The following SLC4A10 variants were observed in gnomAD, a reference collection of about 807,000 sequenced individuals.
The protein encoded by SLC4A10 is solute carrier family 4 member 10.
Under a neutral mutation model 137.7 loss-of-function variants are expected in SLC4A10, and 42 were observed. That is an observed-to-expected ratio of 0.30 (90% CI 0.24 to 0.39). The LOEUF is 0.39. Ranked by LOEUF, SLC4A10 falls within the 10% of genes least tolerant of loss-of-function variation. SLC4A10 has a pLI of 1.00. For synonymous variants in SLC4A10, 474 were observed against 464.1 expected, an observed-to-expected ratio of 1.02 and a Z score of -0.27; for missense variants, 925 against 1,355.0, an observed-to-expected ratio of 0.68 and a Z score of 4.98.
At chr2:161,935,880 C>T (rs976665305) in intron 15 of SLC4A10, among the ~76,000 whole-genome samples, 14 of 152,074 alleles carry the variant, frequency 9.2e-5, no homozygotes, top group Non-Finnish European at 1.6e-4. Context: ...TGCAGGAAAA[C>T]CTTTCAACTT....
At chr2:161,871,382 G>C (rs547490883) in intron 6 of SLC4A10, among the ~76,000 whole-genome samples, 1 of 117,720 alleles carries the variant, frequency 8.5e-6, no homozygotes, top group African/African-American at 3.2e-5. Flanking sequence ...GAGTTGAGTT[G>C]TCTTTATTCA....
In SLC4A10 at chr2:161,904,139, G is replaced by T; in HGVS notation, c.1578G>T (p.Thr526=). The change falls in exon 13 of 27, where the codon ACG becomes ACT. Residue 526 remains threonine, a synonymous_variant. Coordinates refer to ENST00000446997, the MANE Select transcript of SLC4A10 (RefSeq NM_001178015.2). Reference sequence around the variant, plus strand: ...GCGCGTGTATGTCTCCTGTCATCACGTTTGGAGGACTGCTGGGAGAAGCAA... The same window carrying T: ...GCGCGTGTATGTCTCCTGTCATCACTTTTGGAGGACTGCTGGGAGAAGCAA... ...LYCACMSPVI[T]FGGLLGEATE... The T allele has an allele frequency of 6.2e-7, 1 of 1,611,908 alleles. No homozygotes were observed. Among genetic ancestry groups the T allele is most frequent in the Non-Finnish European group, 8.5e-7 (1 of 1,178,958 alleles).
In SLC4A10 at chr2:161,906,946, C is replaced by T. The variant is rs376111634; in HGVS notation, c.1997+1059C>T. On this transcript the variant is annotated intron_variant, in intron 15 of 26. Transcript: ENST00000446997. ...TGGCGGGCGCCTGTAGTCCCAGCTA[C>T]GCGGGAGGCTGAGGCAGGAGAATGG... Among the ~76,000 whole-genome samples, 749 of 151,264 alleles carry T rather than the reference C, an allele frequency of 5.0e-3. 6 individuals are homozygous for T. Among genetic ancestry groups the T allele is most frequent in the East Asian group, 0.014 (70 of 5,062 alleles).
chr2:161,825,558 A>G (rs2057960337), intron 3 of SLC4A10, among the ~76,000 whole-genome samples: 1 of 152,202 alleles, frequency 6.6e-6, no homozygotes, highest in South Asian at 2.1e-4. Context: ...TGGCAGCCCA[A>G]GATGACTCTA....
At chr2:161,883,040 G>T (rs2061932392) in intron 10 of SLC4A10, among the ~76,000 whole-genome samples, 1 of 152,206 alleles carries the variant, frequency 6.6e-6, no homozygotes, top group South Asian at 2.1e-4. Flanking sequence ...CTTCAAAGAA[G>T]TGTATGTCTC....
intron 16 of SLC4A10, among the ~76,000 whole-genome samples, chr2:161,943,615 T>C (rs1693154088): frequency 6.6e-6 from 1 of 152,090 alleles, no homozygotes; most frequent in Non-Finnish European, 1.5e-5. Flanking sequence ...TAAAATCTTG[T>C]AATTTGAAAA....
intron 1 of SLC4A10, among the ~76,000 whole-genome samples, chr2:161,636,744 T>C (rs2034456628): frequency 6.6e-6 from 1 of 152,002 alleles, no homozygotes; most frequent in South Asian, 2.1e-4. Flanking sequence ...GGCTGGAGTT[T>C]AGTCGTGCAA....
rs537214493 is a variant in SLC4A10, at chr2:161,696,551, C to T, written c.48+71985C>T. Among the ~76,000 whole-genome samples, 21 of 144,520 alleles carry T rather than the reference C, an allele frequency of 1.5e-4. 1 individual carries two copies. The East Asian group carries it at 4.4e-3, about 30-fold the overall frequency. 94.8% of individuals were successfully genotyped at this position (144,520 alleles called of 152,430 possible). A position where few individuals can be genotyped will look rare whatever the true frequency, so the allele number is the denominator to read the frequency against. On this transcript the variant is annotated intron_variant, in intron 1 of 26. Coordinates refer to ENST00000446997, the MANE Select transcript of SLC4A10 (RefSeq NM_001178015.2). ...ATTCCCACCTATGAGTGAGAACATG[C>T]AGTGTTTGGTTTTTTGTTCTTGCAA...
At chr2:161,940,001 A>C (rs1692373132) in intron 15 of SLC4A10, among the ~76,000 whole-genome samples, 1 of 152,204 alleles carries the variant, frequency 6.6e-6, no homozygotes, top group East Asian at 1.9e-4. Flanking sequence ...GAAGCTCTGC[A>C]GACCCTCTCC....
Position 161,984,238 on chromosome 2 carries a change from AAC to A in SLC4A10, c.*1088_*1089del, listed in dbSNP as rs1413339381. 6.6e-6 allele frequency: 1 copy of A among 152,166 alleles called. No homozygotes were observed. Among genetic ancestry groups the A allele is most frequent in the Admixed American group, 6.5e-5 (1 of 15,278 alleles). The allele number at this position is 152,166 out of a possible 1,614,324, so 9.4% of individuals were successfully genotyped here. On this transcript the variant is annotated 3_prime_UTR_variant, in exon 27 of 27. Transcript: ENST00000446997. ...TTAAATTAAATGCATGTTGTGGAAA[AAC>A]AGTCTTTTAAAATGAAATTTCAGAT...
intron 1 of SLC4A10, among the ~76,000 whole-genome samples, chr2:161,708,509 C>T (rs2043930359): frequency 6.6e-6 from 1 of 151,612 alleles, no homozygotes; most frequent in African/African-American, 2.4e-5. Context: ...TGCAGAATTG[C>T]TCTAAGCAGT....
chr2:161,728,642 A>T (rs2046493143), intron 1 of SLC4A10, among the ~76,000 whole-genome samples: 1 of 152,198 alleles, frequency 6.6e-6, no homozygotes, highest in African/African-American at 2.4e-5. Flanking sequence ...TGAAGTAATA[A>T]TGCCAATTCT....
intron 8 of SLC4A10, 52 bp downstream of exon 8, chr2:161,874,057 T>C (rs2125932199): frequency 6.7e-7 from 1 of 1,493,488 alleles, no homozygotes; most frequent in South Asian, 1.2e-5. Context: ...CTCATTTCAC[T>C]GTATGGAGGC....
rs532749253 is a variant in SLC4A10 at position 161,682,345 on chromosome 2, A to G, written c.48+57779A>G. On this transcript the variant is annotated intron_variant, in intron 1 of 26. Coordinates refer to ENST00000446997, the MANE Select transcript of SLC4A10 (RefSeq NM_001178015.2). ...TAATATCCTTTGGTTCCAGTGTGTC[A>G]TCAAATCAGTGAGTATACATTATGT... Among the ~76,000 whole-genome samples, 271 of 152,258 alleles carry G rather than the reference A, an allele frequency of 1.8e-3. 1 individual carries two copies. The highest frequency in any genetic ancestry group is 6.2e-3 in the African/African-American group (259 of 41,554).
intron 21 of SLC4A10, among the ~76,000 whole-genome samples, chr2:161,960,363 CAAAAAAAAAAAAA>C (rs369670130): frequency 2.2e-5 from 1 of 46,034 alleles, no homozygotes; most frequent in Admixed American, 2.5e-4. Context: ...GACTCTGTCT[CAAAAAAAAAAAAA>C]AAAAAAAAAA....
At chr2:161,646,832 C>T (rs1053753948) in intron 1 of SLC4A10, among the ~76,000 whole-genome samples, 1 of 151,962 alleles carries the variant, frequency 6.6e-6, no homozygotes, top group East Asian at 1.9e-4. Flanking sequence ...GAAAGCCTTG[C>T]TACTATAATA....
intron 2 of SLC4A10, among the ~76,000 whole-genome samples, chr2:161,785,699 A>G (rs900272556): frequency 1.3e-5 from 2 of 151,856 alleles, no homozygotes; most frequent in African/African-American, 4.8e-5. Context: ...TCAACACAAT[A>G]AAGGCCATAT....
chr2:161,843,371 A>C (rs1036949748), intron 4 of SLC4A10, among the ~76,000 whole-genome samples: 4 of 152,298 alleles, frequency 2.6e-5, no homozygotes, highest in East Asian at 3.9e-4. Flanking sequence ...ATTTATAAAG[A>C]ATAAAAAGAT....
intron 1 of SLC4A10, among the ~76,000 whole-genome samples, chr2:161,627,135 A>C (rs1227282949): frequency 2.0e-5 from 3 of 152,148 alleles, no homozygotes; most frequent in Non-Finnish European, 4.4e-5. Flanking sequence ...GTGTTCAATA[A>C]AACTTGCTAT....
Sources: allele counts gnomAD v4.1 joint callset (sites outside exome capture counted in the v4.1 genomes callset), GRCh38; gene constraint gnomAD v4.1.1; transcripts MANE v1.5; gene names NCBI Gene and HGNC (gene_info 2026-07-23, HGNC 2026-07-21).